Variants in COL9A3 observed in about 807,000 individuals in gnomAD.
COL9A3 encodes the protein collagen alpha-3(IX) chain.
Under a neutral mutation model 110.2 loss-of-function variants are expected in COL9A3, and 82 were observed. The ratio of observed to expected loss-of-function variants is 0.74; its 90% CI spans 0.62 to 0.89. The LOEUF (loss-of-function observed/expected upper bound fraction) is 0.89. Among genes scored for constraint, COL9A3 ranks in the 40% least tolerant of loss-of-function variants. The pLI is 0.00. For missense variants in COL9A3, 1,066 were observed against 981.3 expected (o/e 1.09, Z -1.15); for synonymous variants, 494 against 403.8 (o/e 1.22, Z -2.68).
rs1476547632 is a variant in COL9A3, at chr20:62,819,211, C to T, written c.184-11C>T. ...CCCGCCTTCACATCTCTGCCCTTTC[C>T]TCCTGCACAGGGACCAAAGGGGGCC... On this transcript the variant is annotated splice_polypyrimidine_tract_variant and intron_variant, in intron 3 of 31. Transcript: ENST00000649368. 6.2e-7 allele frequency: 1 copy of T among 1,612,532 alleles called. No individual in the cohort carries two copies. The highest frequency in any genetic ancestry group is 2.2e-5 in the East Asian group (1 of 44,862).
Position 62,817,643 on chromosome 20 carries a change from T to G in COL9A3, c.147+8T>G. ...GGCCAGGACGGCATTGACGTGAGTT[T>G]GGGGGTGGGGAGGGCCCCGAGCGCT... On this transcript the variant is annotated splice_region_variant and intron_variant, in intron 2 of 31. Transcript: ENST00000649368. 1 of 1,530,104 alleles carries G rather than the reference T, an allele frequency of 6.5e-7. No homozygotes were observed. Among genetic ancestry groups the G allele is most frequent in the South Asian group, 1.2e-5 (1 of 82,820 alleles). The allele number at this position is 1,530,104 out of a possible 1,614,324, so 94.8% of individuals were successfully genotyped here.
intron 31 of COL9A3, among the ~76,000 whole-genome samples, chr20:62,839,125 T>A (rs2063655713): frequency 2.0e-5 from 3 of 151,946 alleles, no homozygotes; most frequent in Admixed American, 1.3e-4. Flanking sequence ...CTTGGGAGGC[T>A]GAGACAAGAG....
chr20:62,827,189 C>T (rs1471996725), intron 15 of COL9A3, 52 bp from the exon 16 acceptor site: 36 of 1,599,902 alleles, frequency 2.3e-5, no homozygotes, highest in Admixed American at 3.3e-5. Context: ...TCCTACTCTC[C>T]GACCAACTCC....
intron 28 of COL9A3, 48 bp downstream of exon 28, chr20:62,836,381 G>GT (rs748148004): frequency 1.5e-5 from 25 of 1,613,878 alleles, no homozygotes; most frequent in Middle Eastern, 1.6e-4. Context: ...TTGAGATCGT[G>GT]TTTTTTCCGG....
intron 2 of COL9A3, 171 bp downstream of exon 2, chr20:62,817,806 C>A (rs1333276626): frequency 3.0e-6 from 2 of 660,446 alleles, no homozygotes; most frequent in South Asian, 3.3e-5. Context: ...CCTGCGGGGA[C>A]TGCTGGTGGG....
chr20:62,825,350 TTG>T lies in COL9A3; in HGVS notation c.630+333_630+334del, dbSNP rs140331873. On this transcript the variant is annotated intron_variant, in intron 12 of 31. Coordinates refer to ENST00000649368, the MANE Select transcript of COL9A3 (RefSeq NM_001853.4). ...GGCCTCGCTGTGGAAGCTCCCTGGT[TTG>T]TGTCTGTGGCCGGGGCGAGGGGCAT... 9.3e-4 allele frequency: 298 copies of T among 321,574 alleles called. 1 individual carries two copies. Among genetic ancestry groups the T allele is most frequent in the African/African-American group, 5.5e-3 (256 of 46,956 alleles). The allele number at this position is 321,574 out of a possible 1,614,324, so 19.9% of individuals were successfully genotyped here.
rs754191683 is a variant in COL9A3, at chr20:62,829,699, C to G, written c.1107+18C>G. The G allele has an allele frequency of 6.2e-7, 1 of 1,604,952 alleles. No homozygotes were observed. The highest frequency in any genetic ancestry group is 8.5e-7 in the Non-Finnish European group (1 of 1,176,700). ...GCGTCCCTGTGAGTATCTGCGGCGC[C>G]CCAGACCCCTCCCCATCCAGCCTGT... On this transcript the variant is annotated intron_variant, in intron 21 of 31. Coordinates refer to ENST00000649368, the MANE Select transcript of COL9A3 (RefSeq NM_001853.4).
At chr20:62,827,852 G>A in intron 16 of COL9A3, 71 bp from the exon 17 acceptor site, 1 of 1,536,266 alleles carries the variant, frequency 6.5e-7, no homozygotes, top group East Asian at 2.2e-5. Context: ...TCCCCGAGCA[G>A]CTGGCCGGAG....
chr20:62,832,075 A>T, intron 24 of COL9A3, 79 bp from the exon 25 acceptor site: 1 of 1,386,312 alleles, frequency 7.2e-7, no homozygotes, highest in Non-Finnish European at 1.0e-6. Context: ...GGAGGTGTTT[A>T]CCATTCCTGG....
chr20:62,817,590 CGGCCCCCCA>C lies in COL9A3; in HGVS notation c.105_113del (p.Pro39_Gly41del). On this transcript the variant is annotated inframe_deletion, in exon 2 of 32. Coordinates refer to ENST00000649368, the MANE Select transcript of COL9A3 (RefSeq NM_001853.4). ...AGAGAGTGGGACTCCCCGGCCCCCC[CGGCCCCCCA>C]GGGCCGCCCGGGAAGCCCGGCCAGG... The C allele has an allele frequency of 6.5e-7, 1 of 1,546,266 alleles. No individual in the cohort carries two copies. The highest frequency in any genetic ancestry group is 8.7e-7 in the Non-Finnish European group (1 of 1,144,580).
In COL9A3 at chr20:62,819,248, G is replaced by C. The variant is rs564992042; in HGVS notation, c.210G>C (p.Pro70=). 1.2e-6 allele frequency: 2 copies of C among 1,612,744 alleles called. No individual in the cohort carries two copies. The highest frequency in any genetic ancestry group is 1.7e-6 in the Non-Finnish European group (2 of 1,179,962). The change falls in exon 4 of 32, where the codon CCG becomes CCC. Residue 70 remains proline, a synonymous_variant. Coordinates refer to ENST00000649368, the MANE Select transcript of COL9A3 (RefSeq NM_001853.4). ...PPGPKGAPGK[P]GKPGEAGLPG... is the part of the protein sequence containing the mutation. ...GACCAAAGGGGGCCCCAGGAAAGCC[G>C]GGGAAACCAGGAGAGGCTGGGCTGC...
At position 62,822,633 on chromosome 20, in the gene COL9A3, G is replaced by A. The variant is rs751106309; in HGVS notation, c.519+1G>A. ...CCCTGAAGGCGCTACTGACCTTCAG[G>A]TAGGCACTTGAAGCCATTTGTTAAG... On this transcript the variant is annotated splice_donor_variant, in intron 10 of 31. Coordinates refer to ENST00000649368, the MANE Select transcript of COL9A3 (RefSeq NM_001853.4). LOFTEE classifies it high-confidence loss of function. 6.2e-7 allele frequency: 1 copy of A among 1,612,120 alleles called. No homozygotes were observed. The highest frequency in any genetic ancestry group is 1.7e-5 in the Admixed American group (1 of 60,030).
intron 10 of COL9A3, among the ~76,000 whole-genome samples, chr20:62,823,800 C>T (rs78141558): frequency 0.018 from 2,784 of 152,356 alleles, 77 homozygotes; most frequent in African/African-American, 0.062. Flanking sequence ...TGGGCCCGAC[C>T]TGAGGCTGCT....
In COL9A3 at chr20:62,817,801, G is replaced by A. The variant is rs112292936; in HGVS notation, c.147+166G>A. ...CTTCACGGGATGGGGGTGGCCCTGCGGGGACTGCTGGTGGGTAGGGGTGGA... is the reference window on the plus strand; with the variant it reads ...CTTCACGGGATGGGGGTGGCCCTGCAGGGACTGCTGGTGGGTAGGGGTGGA... On this transcript the variant is annotated intron_variant, in intron 2 of 31. Coordinates refer to ENST00000649368, the MANE Select transcript of COL9A3 (RefSeq NM_001853.4). 1,886 of 655,204 alleles carry A rather than the reference G, an allele frequency of 2.9e-3. 29 individuals carry two copies. The African/African-American group carries it at 0.03, about 10-fold the overall frequency. 40.6% of individuals were successfully genotyped at this position (655,204 alleles called of 1,614,324 possible).
intron 5 of COL9A3, among the ~76,000 whole-genome samples, chr20:62,820,908 C>T (rs2063507632): frequency 6.6e-6 from 1 of 152,116 alleles, no homozygotes; most frequent in Non-Finnish European, 1.5e-5. Flanking sequence ...GAGACAGGCA[C>T]CCCGGGTCAC....
intron 26 of COL9A3, among the ~76,000 whole-genome samples, chr20:62,833,892 T>TTTG (rs1555824801): frequency 0.24 from 36,581 of 151,578 alleles, 5,341 homozygotes; most frequent in African/African-American, 0.41. Context: ...TTGTTTGTTT[T>TTTG]TTTTTGAGAT....
In COL9A3 at chr20:62,836,378, C is replaced by A. The variant is rs370472311; in HGVS notation, c.1548+45C>A. On this transcript the variant is annotated intron_variant, in intron 28 of 31. Transcript: ENST00000649368. ...TTTCCAGCTTTCACAGGGTTGAGAT[C>A]GTGTTTTTTCCGGAAGGAAGTTACT... is the stretch of plus-strand genomic sequence containing the variant. The A allele has an allele frequency of 4.3e-6, 7 of 1,613,842 alleles. No individual in the cohort carries two copies. The African/African-American group carries it at 8.0e-5, about 18-fold the overall frequency.
At chr20:62,816,905 C>G (rs947228542), upstream of COL9A3, among the ~76,000 whole-genome samples, 3 of 150,674 alleles carry the variant, frequency 2.0e-5, no homozygotes, top group African/African-American at 7.3e-5. Flanking sequence ...TGGGCGGCGG[C>G]GCGGGGCGGG....
At position 62,830,348 on chromosome 20, in the gene COL9A3, T is replaced by A. The variant is rs376624149; in HGVS notation, c.1162-12T>A. ...CTGAGACATCCGCTCACACCTCACC[T>A]TTGTCTTCCAGGGGGCCCTCGGCCC... On this transcript the variant is annotated splice_polypyrimidine_tract_variant and intron_variant, in intron 22 of 31. Transcript: ENST00000649368. 4 of 1,568,200 alleles carry A rather than the reference T, an allele frequency of 2.6e-6. No homozygotes were observed. The highest frequency in any genetic ancestry group is 3.5e-6 in the Non-Finnish European group (4 of 1,156,144).
Sources: allele counts gnomAD v4.1 joint callset (sites outside exome capture counted in the v4.1 genomes callset), GRCh38; gene constraint gnomAD v4.1.1; transcripts MANE v1.5; gene names NCBI Gene and HGNC (gene_info 2026-07-23, HGNC 2026-07-21).